FAM81A: variants seen among roughly 807,000 people sequenced by gnomAD.
FAM81A encodes family with sequence similarity 81 member A, also known as protein FAM81A.
Under a neutral mutation model 46.7 loss-of-function variants are expected in FAM81A, and 19 were observed. The ratio of observed to expected loss-of-function variants is 0.41; its 90% CI spans 0.28 to 0.60. The LOEUF (loss-of-function observed/expected upper bound fraction) is 0.60, where lower values mean the gene tolerates loss of function less well. Ranked by LOEUF, FAM81A falls within the 20% of genes least tolerant of loss-of-function variation. FAM81A has a pLI of 0.34. For synonymous variants in FAM81A, 183 were observed against 152.9 expected (o/e 1.20, Z -1.45); for missense variants, 377 against 453.5 (o/e 0.83, Z 1.53).
chr15:59,423,846 A>T (rs2081184973), intron 2 of FAM81A, among the ~76,000 whole-genome samples: 1 of 152,068 alleles, frequency 6.6e-6, no homozygotes. Flanking sequence ...TATATCACTG[A>T]TTTCTCTTCC....
chr15:59,416,826 C>A (rs1231684840), intron 2 of FAM81A, among the ~76,000 whole-genome samples: 1 of 152,184 alleles, frequency 6.6e-6, no homozygotes, highest in East Asian at 1.9e-4. Flanking sequence ...TGGAACCATT[C>A]TATTTTCAAA....
At chr15:59,491,227 GC>G (rs1192140899) in intron 3 of FAM81A, among the ~76,000 whole-genome samples, 1 of 152,192 alleles carries the variant, frequency 6.6e-6, no homozygotes, top group Non-Finnish European at 1.5e-5. Context: ...AGTGTATTCA[GC>G]CGTAAGAAAG....
intron 1 of FAM81A, chr15:59,446,486 T>C (rs1349263373): frequency 6.6e-6 from 1 of 152,248 alleles, no homozygotes; most frequent in Non-Finnish European, 1.5e-5. Context: ...GGAAGAGCAC[T>C]GTCAAATGTT....
At chr15:59,508,534 T>C in intron 5 of FAM81A, among the ~76,000 whole-genome samples, 1 of 152,186 alleles carries the variant, frequency 6.6e-6, no homozygotes, top group African/African-American at 2.4e-5. Context: ...GTTAAACTGA[T>C]GGTAGAAATT....
chr15:59,430,084 A>G (rs2081212967), intron 2 of FAM81A, among the ~76,000 whole-genome samples: 2 of 152,252 alleles, frequency 1.3e-5, no homozygotes, highest in South Asian at 2.1e-4. Context: ...AGGGCCAGAT[A>G]ATTGTCTGGT....
chr15:59,453,715 G>A (rs755529281), intron 1 of FAM81A, among the ~76,000 whole-genome samples: 29 of 151,820 alleles, frequency 1.9e-4, no homozygotes, highest in Non-Finnish European at 3.2e-4. Flanking sequence ...AAATGAAGAG[G>A]ACTCAATGGT....
intron 3 of FAM81A, among the ~76,000 whole-genome samples, chr15:59,485,812 G>A (rs548359486): frequency 7.2e-5 from 11 of 152,298 alleles, no homozygotes; most frequent in African/African-American, 2.6e-4. Context: ...TAGCTGTTTT[G>A]AGGAAACTCA....
chr15:59,521,215 A>C, intron 8 of FAM81A, 39 bp from the exon 9 acceptor site: 1 of 1,583,720 alleles, frequency 6.3e-7, no homozygotes, highest in Admixed American at 1.9e-5. Flanking sequence ...GCATTTTAAA[A>C]AAATTGTTAA....
In FAM81A at chr15:59,489,315, A is replaced by G. The variant is rs533576791; in HGVS notation, c.295-2956A>G. ...CATACATACATACATACATACATAT[A>G]TACATACATACATACATACCTGTGA... is the stretch of plus-strand genomic sequence containing the variant. On this transcript the variant is annotated intron_variant, in intron 3 of 8. Transcript: ENST00000288228. Among the ~76,000 whole-genome samples the G allele has an allele frequency of 7.3e-3, 1,036 of 141,374 alleles. 6 individuals are homozygous for G. Among genetic ancestry groups the G allele is most frequent in the Non-Finnish European group, 0.01 (632 of 62,728 alleles). 92.7% of individuals were successfully genotyped at this position (141,374 alleles called of 152,430 possible). A position where few individuals can be genotyped will look rare whatever the true frequency, so the allele number is the denominator to read the frequency against.
chr15:59,474,157 A>G (rs532206566), intron 3 of FAM81A, among the ~76,000 whole-genome samples: 1 of 152,316 alleles, frequency 6.6e-6, no homozygotes, highest in African/African-American at 2.4e-5. Context: ...GAATAGGACT[A>G]ACATTGTTAC....
intron 1 of FAM81A, chr15:59,402,011 G>C: frequency 1.6e-6 from 1 of 621,720 alleles, no homozygotes; most frequent in Non-Finnish European, 2.9e-6. Context: ...GCATGTTGAC[G>C]CCGCAGAGCT....
chr15:59,497,531 A>C (rs141669339), intron 4 of FAM81A, among the ~76,000 whole-genome samples: 2 of 152,244 alleles, frequency 1.3e-5, no homozygotes, highest in Non-Finnish European at 2.9e-5. Context: ...GAATCTGTAG[A>C]TCCGTTTGGG....
chr15:59,504,573 T>G (rs1262748409), intron 4 of FAM81A, among the ~76,000 whole-genome samples: 1 of 152,206 alleles, frequency 6.6e-6, no homozygotes, highest in Non-Finnish European at 1.5e-5. Flanking sequence ...ATTTTATCCA[T>G]TTACTCACTA....
intron 2 of FAM81A, among the ~76,000 whole-genome samples, chr15:59,413,287 G>A (rs1314216874): frequency 3.3e-5 from 5 of 152,112 alleles, no homozygotes; most frequent in East Asian, 3.9e-4. Flanking sequence ...GGCAGTTAGG[G>A]TGGGTGTGTG....
At chr15:59,431,960 A>G (rs2081222417) in intron 2 of FAM81A, among the ~76,000 whole-genome samples, 1 of 152,238 alleles carries the variant, frequency 6.6e-6, no homozygotes, top group Non-Finnish European at 1.5e-5. Context: ...ATTTAAGTGT[A>G]TTCAAATATG....
intron 3 of FAM81A, among the ~76,000 whole-genome samples, chr15:59,489,275 A>ATACG (rs2081956029): frequency 2.1e-5 from 3 of 144,788 alleles, no homozygotes; most frequent in Admixed American, 7.1e-5. Flanking sequence ...AAATACATAC[A>ATACG]TACATACATA....
intron 3 of FAM81A, among the ~76,000 whole-genome samples, chr15:59,484,372 A>G (rs1053798065): frequency 3.3e-5 from 5 of 152,206 alleles, no homozygotes; most frequent in Non-Finnish European, 7.3e-5. Flanking sequence ...ACTGTCTACA[A>G]AATAAAGCAC....
chr15:59,502,043 A>G (rs1275101577), intron 4 of FAM81A, among the ~76,000 whole-genome samples: 1 of 151,928 alleles, frequency 6.6e-6, no homozygotes, highest in Non-Finnish European at 1.5e-5. Flanking sequence ...ATAAAAAATT[A>G]CAAAACTCAC....
intron 3 of FAM81A, among the ~76,000 whole-genome samples, chr15:59,486,521 C>T (rs767480303): frequency 5.3e-5 from 8 of 151,990 alleles, no homozygotes; most frequent in Non-Finnish European, 8.8e-5. Flanking sequence ...TATCAAAATT[C>T]AAGTACAAGA....
Sources: allele counts gnomAD v4.1 joint callset (sites outside exome capture counted in the v4.1 genomes callset), GRCh38; gene constraint gnomAD v4.1.1; transcripts MANE v1.5; gene names NCBI Gene and HGNC (gene_info 2026-07-23, HGNC 2026-07-21).